Variants in VTI1A observed in about 807,000 individuals in gnomAD.
The protein encoded by VTI1A is vesicle transport through interaction with t-SNAREs homolog 1A.
VTI1A carries 22 observed loss-of-function variants against 34.9 expected under a neutral mutation model. That is an observed-to-expected ratio of 0.63 (90% CI 0.45 to 0.90). VTI1A has a LOEUF of 0.90. VTI1A is among the 40% of genes least tolerant of loss of function. The probability of loss-of-function intolerance (pLI) is 0.00; values close to 1 mark genes in which losing one functional copy is unlikely to be tolerated. For missense variants in VTI1A, 268 were observed against 275.6 expected (o/e 0.97, Z 0.20); for synonymous variants, 87 against 97.3 (o/e 0.89, Z 0.62).
intron 5 of VTI1A, among the ~76,000 whole-genome samples, chr10:112,606,676 C>G (rs917327713): frequency 5.3e-5 from 8 of 152,072 alleles, no homozygotes; most frequent in Admixed American, 3.9e-4. Flanking sequence ...GCTCAGCTGC[C>G]CACTAGTTAA....
At chr10:112,573,499 A>G (rs1852217332) in intron 5 of VTI1A, among the ~76,000 whole-genome samples, 1 of 152,226 alleles carries the variant, frequency 6.6e-6, no homozygotes, top group Admixed American at 6.5e-5. Flanking sequence ...AAAATATACA[A>G]TCCCTTAATA....
chr10:112,788,304 C>T (rs1342785174), intron 7 of VTI1A, among the ~76,000 whole-genome samples: 1 of 151,952 alleles, frequency 6.6e-6, no homozygotes, highest in Non-Finnish European at 1.5e-5. Context: ...TCAGTTTTTG[C>T]TTCACGTTTT....
At chr10:112,725,478 G>A (rs1849987503) in intron 7 of VTI1A, among the ~76,000 whole-genome samples, 1 of 152,198 alleles carries the variant, frequency 6.6e-6, no homozygotes, top group African/African-American at 2.4e-5. Flanking sequence ...AGATTGATCA[G>A]TGGGTTCAGG....
chr10:112,770,216 G>A (rs889110642), intron 7 of VTI1A, among the ~76,000 whole-genome samples: 1 of 151,944 alleles, frequency 6.6e-6, no homozygotes, highest in Non-Finnish European at 1.5e-5. Flanking sequence ...ACTGGATGCT[G>A]GTACCCACAG....
chr10:112,836,928 G>C, the VTI1A span, among the ~76,000 whole-genome samples: 8 of 152,278 alleles, frequency 5.3e-5, no homozygotes, highest in Middle Eastern at 3.4e-3. Context: ...TTGTTCAAAG[G>C]AATTGACTCC....
rs373081134 is a variant in VTI1A at position 112,679,711 on chromosome 10, G to A, written c.560+10713G>A. 5.7e-4 allele frequency among the ~76,000 whole-genome samples: 87 copies of A among 151,842 alleles called. No homozygotes were observed. The South Asian group carries it at 0.018, about 31-fold the overall frequency. Reference sequence around the variant, plus strand: ...GCAATTATAGTTTACCTAGGAAAAAGCTATTCCACTGCCCACCTATCTTCC... The same window carrying A: ...GCAATTATAGTTTACCTAGGAAAAAACTATTCCACTGCCCACCTATCTTCC... On this transcript the variant is annotated intron_variant, in intron 7 of 7. Transcript: ENST00000393077.
intron 5 of VTI1A, among the ~76,000 whole-genome samples, chr10:112,597,726 C>G (rs1844716776): frequency 9.2e-6 from 1 of 109,242 alleles, no homozygotes. Context: ...GAGACGGAGT[C>G]TCGCTCTGTC....
chr10:112,798,149 G>A lies in VTI1A; in HGVS notation c.561-17141G>A, dbSNP rs1304426607. Among the ~76,000 whole-genome samples the A allele has an allele frequency of 2.0e-5, 3 of 152,274 alleles. No homozygotes were observed. In the Middle Eastern group the frequency reaches 0.01, roughly 518 times the overall value. ...CAGGCTGGCGGTGTTAGGTCAGTGC[G>A]GCTGTGAACCAAAGCAATGCTGTGC... On this transcript the variant is annotated intron_variant, in intron 7 of 7. Coordinates refer to ENST00000393077, the MANE Select transcript of VTI1A (RefSeq NM_145206.4).
At chr10:112,576,238 T>A (rs1203727702) in intron 5 of VTI1A, among the ~76,000 whole-genome samples, 1 of 151,826 alleles carries the variant, frequency 6.6e-6, no homozygotes, top group African/African-American at 2.4e-5. Flanking sequence ...GCTAAGATGG[T>A]CTCGATCTCC....
At chr10:112,566,151 G>GT (rs1159308496) in intron 5 of VTI1A, among the ~76,000 whole-genome samples, 2 of 151,932 alleles carry the variant, frequency 1.3e-5, no homozygotes, top group African/African-American at 4.8e-5. Context: ...AAATTAGTAT[G>GT]TTTTTTTCTA....
chr10:112,447,040 C>A, upstream of VTI1A: 2 of 287,546 alleles, frequency 7.0e-6, no homozygotes, highest in South Asian at 7.1e-5. Context: ...TCCCAGAACA[C>A]GAAGGGGGGA....
At chr10:112,487,296 G>A (rs554399326) in intron 3 of VTI1A, among the ~76,000 whole-genome samples, 1 of 152,186 alleles carries the variant, frequency 6.6e-6, no homozygotes, top group Admixed American at 6.5e-5. Flanking sequence ...GCTCATTTTT[G>A]TATTTTTAGT....
At position 112,815,332 on chromosome 10, in the gene VTI1A, C is replaced by A; in HGVS notation, c.603C>A (p.Ile201=). 6.2e-7 allele frequency: 1 copy of A among 1,614,088 alleles called. No individual in the cohort carries two copies. The highest frequency in any genetic ancestry group is 8.5e-7 in the Non-Finnish European group (1 of 1,180,022). Residue 201 remains isoleucine, a synonymous_variant, in exon 8 of 8, where the codon ATC becomes ATA. Coordinates refer to ENST00000393077, the MANE Select transcript of VTI1A (RefSeq NM_145206.4). ...NRILLVILGI[I]VVITILMAIT... Reference sequence around the variant, plus strand: ...TCCTGCTCGTCATCCTAGGGATCATCGTGGTCATCACCATCCTGATGGCGA... The same window carrying A: ...TCCTGCTCGTCATCCTAGGGATCATAGTGGTCATCACCATCCTGATGGCGA...
At chr10:112,549,951 G>A (rs572599671) in intron 5 of VTI1A, among the ~76,000 whole-genome samples, 448 of 152,312 alleles carry the variant, frequency 2.9e-3, no homozygotes, top group Non-Finnish European at 5.0e-3. Flanking sequence ...TATACTTTGT[G>A]AGGTCCTCTG....
intron 7 of VTI1A, among the ~76,000 whole-genome samples, chr10:112,765,630 T>G (rs1419522598): frequency 6.6e-6 from 1 of 152,214 alleles, no homozygotes; most frequent in African/African-American, 2.4e-5. Flanking sequence ...AGGGACACAG[T>G]TTCTGCCCTT....
At chr10:112,734,922 G>A (rs146634457) in intron 7 of VTI1A, among the ~76,000 whole-genome samples, 13 of 152,102 alleles carry the variant, frequency 8.5e-5, no homozygotes, top group African/African-American at 2.9e-4. Flanking sequence ...ATGAGCAACT[G>A]CGCCCAGCCC....
At chr10:112,460,635 A>G (rs1847699964) in intron 2 of VTI1A, 53 bp downstream of exon 2, 2 of 1,428,718 alleles carry the variant, frequency 1.4e-6, no homozygotes, top group Non-Finnish European at 1.9e-6. Flanking sequence ...GTTTAAGCTA[A>G]TGTCTTCCTC....
rs184875083 is a variant in VTI1A at position 112,483,395 on chromosome 10, C to T, written c.264+18738C>T. On this transcript the variant is annotated intron_variant, in intron 3 of 7. Coordinates refer to ENST00000393077, the MANE Select transcript of VTI1A (RefSeq NM_145206.4). The stretch of plus-strand genomic sequence containing the variant: ...ATTTTTGTAGTCCATGGCATAAACT[C>T]GAGTGTCTGATGCATTTCTACCTTG... Among the ~76,000 whole-genome samples the T allele has an allele frequency of 2.1e-3, 322 of 152,060 alleles. 1 individual carries two copies. Among genetic ancestry groups the T allele is most frequent in the Admixed American group, 3.4e-3 (52 of 15,262 alleles).
intron 1 of VTI1A, among the ~76,000 whole-genome samples, chr10:112,451,917 T>C (rs1847255252): frequency 6.6e-6 from 1 of 152,220 alleles, no homozygotes; most frequent in South Asian, 2.1e-4. Flanking sequence ...AATGATAATA[T>C]TTTAGATATA....
Sources: allele counts gnomAD v4.1 joint callset (sites outside exome capture counted in the v4.1 genomes callset), GRCh38; gene constraint gnomAD v4.1.1; transcripts MANE v1.5; gene names NCBI Gene and HGNC (gene_info 2026-07-23, HGNC 2026-07-21).